The following EPN2 variants were observed in gnomAD, a reference collection of about 807,000 sequenced individuals.
EPN2 encodes epsin-2.
A neutral mutation model predicts 61.7 loss-of-function variants in EPN2; 34 were observed. The ratio of observed to expected loss-of-function variants is 0.55; its 90% CI spans 0.42 to 0.73. The LOEUF (loss-of-function observed/expected upper bound fraction) is 0.73, where lower values mean the gene tolerates loss of function less well. EPN2 is among the 30% of genes least tolerant of loss of function. The pLI, the probability that EPN2 is intolerant of heterozygous loss-of-function variation, is 0.00. For missense variants in EPN2, 714 were observed against 839.2 expected (o/e 0.85, Z 1.84); for synonymous variants, 349 against 353.6 (o/e 0.99, Z 0.15).
At chr17:19,316,579 G>A (rs2152234152) in intron 7 of EPN2, among the ~76,000 whole-genome samples, 1 of 152,328 alleles carries the variant, frequency 6.6e-6, no homozygotes, top group South Asian at 2.1e-4. Context: ...GATAGCCACT[G>A]TTAAAATGTT....
At position 19,316,120 on chromosome 17, in the gene EPN2, G is replaced by A. The variant is rs139300136; in HGVS notation, c.1147+2841G>A. Reference sequence around the variant, plus strand: ...CCATTGCATGGATATACAACACTTCGTTTAACCATTCAGCAATTGATGGAT... The same window carrying A: ...CCATTGCATGGATATACAACACTTCATTTAACCATTCAGCAATTGATGGAT... On this transcript the variant is annotated intron_variant, in intron 7 of 10. Transcript: ENST00000314728. Among the ~76,000 whole-genome samples, 1,023 of 152,286 alleles carry A rather than the reference G, an allele frequency of 6.7e-3. 16 individuals are homozygous for A. Among genetic ancestry groups the A allele is most frequent in the African/African-American group, 0.024 (980 of 41,544 alleles).
At chr17:19,294,814 G>A (rs993574401) in intron 4 of EPN2, among the ~76,000 whole-genome samples, 4 of 152,198 alleles carry the variant, frequency 2.6e-5, no homozygotes, top group Non-Finnish European at 5.9e-5. Flanking sequence ...GGCACTGACA[G>A]CATTGTACTG....
At chr17:19,249,646 T>G (rs1189793125) in intron 1 of EPN2, 1 of 152,300 alleles carries the variant, frequency 6.6e-6, no homozygotes, top group Admixed American at 6.5e-5. Flanking sequence ...ACTAGAAAAG[T>G]GGTCCTTAGG....
intron 1 of EPN2, among the ~76,000 whole-genome samples, chr17:19,255,543 A>G (rs1216162785): frequency 7.1e-6 from 1 of 141,336 alleles, no homozygotes; most frequent in Non-Finnish European, 1.5e-5. Context: ...TACCTTAATC[A>G]GCATCCTCTG....
intron 7 of EPN2, among the ~76,000 whole-genome samples, chr17:19,315,291 G>A (rs1906333012): frequency 6.6e-6 from 1 of 152,162 alleles, no homozygotes; most frequent in Non-Finnish European, 1.5e-5. Flanking sequence ...GGAACATAGC[G>A]TAATAGCAAT....
At chr17:19,279,385 G>T (rs1312406212) in intron 1 of EPN2, among the ~76,000 whole-genome samples, 1 of 152,144 alleles carries the variant, frequency 6.6e-6, no homozygotes, top group Non-Finnish European at 1.5e-5. Context: ...GTCACCAGAT[G>T]GGGGAGGGCA....
intron 6 of EPN2, 134 bp from the exon 7 acceptor site, chr17:19,312,971 A>C: frequency 1.1e-6 from 1 of 884,144 alleles, no homozygotes; most frequent in South Asian, 1.6e-5. Flanking sequence ...CTCAGTTTCC[A>C]AGTTCTTCTC....
chr17:19,288,551 C>T (rs1280067255), intron 4 of EPN2, among the ~76,000 whole-genome samples: 1 of 152,056 alleles, frequency 6.6e-6, no homozygotes, highest in Non-Finnish European at 1.5e-5. Flanking sequence ...GGCAGAAGGG[C>T]AGCTGTGCAA....
rs749954906 is a variant in EPN2, at chr17:19,285,759, G to A, written c.735G>A (p.Gln245=). 6 of 1,606,756 alleles carry A rather than the reference G, an allele frequency of 3.7e-6. No homozygotes were observed. The highest frequency in any genetic ancestry group is 1.1e-5 in the South Asian group (1 of 89,766). ...LASRPNGDWS[Q]PCLTCDRAAR... ...CCCGCCCAAATGGCGACTGGTCCCA[G>A]CCCTGCCTCACTTGTGACCGCGCAG... Residue 245 remains glutamine, a synonymous_variant, in exon 4 of 11, where the codon CAG becomes CAA. Transcript: ENST00000314728. This position sits in a 1 kb window ranked among gnomAD's most constrained non-coding sequence, Gnocchi z 4.5.
chr17:19,274,007 A>G (rs1045750055), intron 1 of EPN2: 2 of 152,224 alleles, frequency 1.3e-5, no homozygotes, highest in South Asian at 2.1e-4. Context: ...AGCTACCCCA[A>G]CTGGGCCTCC....
At chr17:19,257,369 T>C (rs1261808913) in intron 1 of EPN2, among the ~76,000 whole-genome samples, 3 of 152,228 alleles carry the variant, frequency 2.0e-5, no homozygotes, top group African/African-American at 7.2e-5. Flanking sequence ...TTGGAATGCC[T>C]GTTTTAATGG....
At chr17:19,303,335 C>A (rs1010943340) in intron 4 of EPN2, among the ~76,000 whole-genome samples, 1 of 152,188 alleles carries the variant, frequency 6.6e-6, no homozygotes, top group Non-Finnish European at 1.5e-5. Flanking sequence ...AAGTGTCTTG[C>A]TGCTGATCAG....
At chr17:19,308,575 G>A in intron 4 of EPN2, 1 of 985,400 alleles carries the variant, frequency 1.0e-6, no homozygotes, top group Non-Finnish European at 1.2e-6. Context: ...GGAAGGACCA[G>A]GTCCGGGAAG....
chr17:19,329,768 C>G, intron 9 of EPN2, 121 bp downstream of exon 9: 1 of 642,382 alleles, frequency 1.6e-6, no homozygotes, highest in Admixed American at 2.9e-5. Flanking sequence ...GTATTTTGAT[C>G]TTGGGAGCCT....
chr17:19,237,769 T>C (rs2044831892), intron 1 of EPN2, among the ~76,000 whole-genome samples: 1 of 151,604 alleles, frequency 6.6e-6, no homozygotes, highest in Non-Finnish European at 1.5e-5. Flanking sequence ...TGGATCCAGC[T>C]TTCCGCTGCA....
chr17:19,328,921 C>T lies in EPN2; in HGVS notation c.1324+34C>T, dbSNP rs753643800. The T allele has an allele frequency of 4.4e-6, 7 of 1,580,374 alleles. No individual in the cohort carries two copies. In the African/African-American group the frequency reaches 9.4e-5, roughly 21 times the overall value. On this transcript the variant is annotated intron_variant, in intron 8 of 10. Transcript: ENST00000314728. ...CTCACTCACCCACTTTCCTGCCTGG[C>T]CTCTGAGCGCCCACGGGCCCTGCAG...
intron 1 of EPN2, among the ~76,000 whole-genome samples, chr17:19,252,026 G>A (rs1241888189): frequency 6.6e-6 from 1 of 152,050 alleles, no homozygotes; most frequent in East Asian, 1.9e-4. Context: ...TTGTGACCCC[G>A]TTGCATGAAG....
chr17:19,255,886 G>T (rs955594986), intron 1 of EPN2, among the ~76,000 whole-genome samples: 1 of 151,902 alleles, frequency 6.6e-6, no homozygotes, highest in Admixed American at 6.6e-5. Context: ...GCCCCCCAAA[G>T]TGTTGGTATT....
Position 19,241,379 on chromosome 17 carries a change from G to A in EPN2, c.-294+3848G>A, listed in dbSNP as rs545548232. ...GCGGCCGGATCACCCTGAGGTCAAG[G>A]GATCGAGACCATTCTGGCCAACATG... On this transcript the variant is annotated intron_variant, in intron 1 of 10. Transcript: ENST00000314728. Among the ~76,000 whole-genome samples the A allele has an allele frequency of 1.3e-4, 20 of 152,072 alleles. No homozygotes were observed. In the South Asian group the frequency reaches 4.2e-3, roughly 32 times the overall value.
Sources: allele counts gnomAD v4.1 joint callset (sites outside exome capture counted in the v4.1 genomes callset), GRCh38; gene constraint gnomAD v4.1.1; non-coding constraint Gnocchi (gnomAD v3.1); transcripts MANE v1.5; gene names NCBI Gene and HGNC (gene_info 2026-07-23, HGNC 2026-07-21).